The following SRGAP2 variants were observed in gnomAD, a reference collection of about 807,000 sequenced individuals.
SRGAP2 encodes SLIT-ROBO Rho GTPase-activating protein 2.
A neutral mutation model predicts 57.2 loss-of-function variants in SRGAP2; 15 were observed. That is an observed-to-expected ratio of 0.26 (90% CI 0.18 to 0.40). The LOEUF is 0.40. Ranked by LOEUF, SRGAP2 falls within the 10% of genes least tolerant of loss-of-function variation. The pLI, the probability that SRGAP2 is intolerant of heterozygous loss-of-function variation, is 1.00. For missense variants in SRGAP2, 520 were observed against 669.6 expected, an observed-to-expected ratio of 0.78 and a Z score of 2.47; for synonymous variants, 249 against 248.0, an observed-to-expected ratio of 1.00 and a Z score of -0.04.
rs1282189928 is a variant in SRGAP2 at position 206,291,482 on chromosome 1, G to A, written c.68-11799G>A. Among the ~76,000 whole-genome samples, 4 of 152,062 alleles carry A rather than the reference G, an allele frequency of 2.6e-5. 1 individual carries two copies. In the South Asian group the frequency reaches 8.3e-4, roughly 31 times the overall value. On this transcript the variant is annotated intron_variant, in intron 2 of 22. Coordinates refer to ENST00000573034, the MANE Select transcript of SRGAP2 (RefSeq NM_015326.5). ...GTAGATAATGAAAACGACTTAGAGA[G>A]ATTAAGTGTCTTGTTCAGGGAGACA...
intron 19 of SRGAP2, 134 bp from the exon 20 acceptor site, chr1:206,453,066 G>C: frequency 2.3e-6 from 1 of 441,610 alleles, no homozygotes; most frequent in East Asian, 3.6e-5. Flanking sequence ...TTGCTTTATA[G>C]ATCATCCATG....
At chr1:206,230,020 A>G (rs1326262256) in intron 2 of SRGAP2, among the ~76,000 whole-genome samples, 4 of 152,004 alleles carry the variant, frequency 2.6e-5, no homozygotes, top group South Asian at 2.1e-4. Flanking sequence ...TGTAATTTCT[A>G]TATATTTTAA....
chr1:206,324,364 T>C (rs1673708625), intron 3 of SRGAP2, among the ~76,000 whole-genome samples: 1 of 152,352 alleles, frequency 6.6e-6, no homozygotes, highest in East Asian at 1.9e-4. Flanking sequence ...GTGTTGATAA[T>C]CAAGCTAGGG....
intron 10 of SRGAP2, among the ~76,000 whole-genome samples, chr1:206,413,058 G>A (rs180901091): frequency 3.9e-5 from 6 of 152,278 alleles, no homozygotes; most frequent in African/African-American, 1.4e-4. Context: ...GGTTCATCAA[G>A]TGATAGCCAG....
intron 2 of SRGAP2, among the ~76,000 whole-genome samples, chr1:206,277,112 G>T (rs1670461370): frequency 6.6e-6 from 1 of 151,734 alleles, no homozygotes. Flanking sequence ...TTACAGGCAT[G>T]TGCCACCACA....
chr1:206,210,164 G>C (rs1317966422), intron 2 of SRGAP2, among the ~76,000 whole-genome samples: 1 of 150,050 alleles, frequency 6.7e-6, no homozygotes, highest in Admixed American at 6.6e-5. Context: ...GGTTACCAGG[G>C]TTGTGAATCT....
chr1:206,459,883 T>C (rs1159129283), intron 22 of SRGAP2, among the ~76,000 whole-genome samples: 3 of 152,166 alleles, frequency 2.0e-5, no homozygotes, highest in African/African-American at 4.8e-5. Flanking sequence ...ATTCTGTGCC[T>C]CTATTTAAGC....
At chr1:206,416,583 A>C (rs74145639) in intron 11 of SRGAP2, among the ~76,000 whole-genome samples, 247 of 152,336 alleles carry the variant, frequency 1.6e-3, no homozygotes, top group African/African-American at 5.6e-3. Context: ...GACCCTGGAA[A>C]GTAGCAAGGC....
chr1:206,401,270 A>G, intron 7 of SRGAP2, 151 bp from the exon 8 acceptor site: 1 of 710,252 alleles, frequency 1.4e-6, no homozygotes, highest in Non-Finnish European at 2.6e-6. Flanking sequence ...GAGAACTCTC[A>G]CCCAGACCTT....
intron 4 of SRGAP2, among the ~76,000 whole-genome samples, chr1:206,371,598 G>A (rs1420961693): frequency 6.6e-6 from 1 of 151,594 alleles, no homozygotes; most frequent in African/African-American, 2.4e-5. Context: ...AGGCATAGTG[G>A]CGGGCACCTG....
At chr1:206,303,840 G>T (rs1263582451) in intron 3 of SRGAP2, among the ~76,000 whole-genome samples, 1 of 151,496 alleles carries the variant, frequency 6.6e-6, no homozygotes, top group Non-Finnish European at 1.5e-5. Context: ...AAGGTTAAGG[G>T]GCTTAACTCA....
At chr1:206,446,749 TA>T (rs1662790641) in intron 18 of SRGAP2, among the ~76,000 whole-genome samples, 1 of 152,316 alleles carries the variant, frequency 6.6e-6, no homozygotes, top group Admixed American at 6.5e-5. Flanking sequence ...CGTGAGTTTG[TA>T]AGCTGGCACT....
intron 2 of SRGAP2, among the ~76,000 whole-genome samples, chr1:206,286,911 C>G (rs1175150796): frequency 6.6e-6 from 1 of 152,088 alleles, no homozygotes; most frequent in African/African-American, 2.4e-5. Flanking sequence ...CTTTTCTCCA[C>G]TGGGAAGCCA....
Position 206,322,452 on chromosome 1 carries a change from C to T in SRGAP2, c.260+18979C>T, listed in dbSNP as rs1673530813. Among the ~76,000 whole-genome samples, 7 of 151,760 alleles carry T rather than the reference C, an allele frequency of 4.6e-5. No individual in the cohort carries two copies. The South Asian group carries it at 8.4e-4, about 18-fold the overall frequency. On this transcript the variant is annotated intron_variant, in intron 3 of 22. Coordinates refer to ENST00000573034, the MANE Select transcript of SRGAP2 (RefSeq NM_015326.5). ...AAAATTAGCCGGGCGTGGTGGCAGGCGCCTGTGGTCCCAGCTACTGGGGAG... is the reference window on the plus strand; with the variant it reads ...AAAATTAGCCGGGCGTGGTGGCAGGTGCCTGTGGTCCCAGCTACTGGGGAG...
intron 4 of SRGAP2, among the ~76,000 whole-genome samples, chr1:206,377,276 C>T (rs1655294275): frequency 6.6e-6 from 1 of 151,084 alleles, no homozygotes; most frequent in Non-Finnish European, 1.5e-5. Flanking sequence ...TATCCATTAA[C>T]TCCTGAGTGA....
At chr1:206,370,881 GA>G (rs1558356675) in intron 4 of SRGAP2, among the ~76,000 whole-genome samples, 1 of 151,978 alleles carries the variant, frequency 6.6e-6, no homozygotes, top group Admixed American at 6.6e-5. Context: ...TGAAACGTCA[GA>G]AAACAATGCA....
intron 3 of SRGAP2, among the ~76,000 whole-genome samples, chr1:206,322,470 C>CT (rs1410945361): frequency 6.6e-6 from 1 of 151,080 alleles, no homozygotes; most frequent in Non-Finnish European, 1.5e-5. Context: ...GTCCCAGCTA[C>CT]TGGGGAGGCT....
chr1:206,418,909 T>C (rs1660024159), intron 11 of SRGAP2, among the ~76,000 whole-genome samples: 4 of 151,622 alleles, frequency 2.6e-5, no homozygotes, highest in African/African-American at 9.7e-5. Context: ...TGTGTGTGTG[T>C]GTGTGTGTGT....
intron 13 of SRGAP2, among the ~76,000 whole-genome samples, chr1:206,427,660 G>A (rs950396402): frequency 6.6e-6 from 1 of 152,178 alleles, no homozygotes; most frequent in Non-Finnish European, 1.5e-5. Context: ...ACGCAGACCT[G>A]TCAAACGGGC....
Sources: gnomAD v4.1 joint callset for allele counts (sites outside exome capture counted in the v4.1 genomes callset) on GRCh38, gnomAD v4.1.1 for gene constraint, MANE v1.5 for transcripts, NCBI Gene and HGNC (gene_info 2026-07-23, HGNC 2026-07-21) for gene names.